The following SH3RF3 variants were observed in gnomAD, a reference collection of about 807,000 sequenced individuals.
SH3RF3 encodes the protein E3 ubiquitin-protein ligase SH3RF3.
In SH3RF3, 29 loss-of-function variants were observed where a neutral mutation model predicts 66.3. The ratio of observed to expected loss-of-function variants is 0.44; its 90% confidence interval spans 0.33 to 0.60. The LOEUF (loss-of-function observed/expected upper bound fraction) is 0.60. Ranked by LOEUF, SH3RF3 falls within the 20% of genes least tolerant of loss-of-function variation. The pLI is 0.04. For missense variants in SH3RF3, 1,194 were observed against 1,190.9 expected, an observed-to-expected ratio of 1.00 and a Z score of -0.04; for synonymous variants, 583 against 532.0, an observed-to-expected ratio of 1.10 and a Z score of -1.32.
chr2:109,306,415 C>T (rs1000505339), intron 1 of SH3RF3, among the ~76,000 whole-genome samples: 1 of 152,220 alleles, frequency 6.6e-6, no homozygotes, highest in South Asian at 2.1e-4. Context: ...CCGGGGCTTC[C>T]GATTCCATCC....
At position 109,210,372 on chromosome 2, in the gene SH3RF3, G is replaced by GTTT. The variant is rs535900027; in HGVS notation, c.573+80259_573+80260insTTT. On this transcript the variant is annotated intron_variant, in intron 1 of 9. Transcript: ENST00000309415. ...GTCACTGATCTGTGAAGTCCAAAGC[G>GTTT]GGAAAGCCTGGTCTTTTCCGTGCTC... 2.8e-4 allele frequency among the ~76,000 whole-genome samples: 42 copies of GTTT among 152,292 alleles called. No individual in the cohort carries two copies. The South Asian group carries it at 8.7e-3, about 32-fold the overall frequency.
At chr2:109,461,910 C>G (rs1406406186) in intron 8 of SH3RF3, among the ~76,000 whole-genome samples, 3 of 152,086 alleles carry the variant, frequency 2.0e-5, no homozygotes, top group Non-Finnish European at 1.5e-5. Context: ...GATGTTGTCT[C>G]TAAAAATTCA....
At chr2:109,264,125 A>G (rs1680425173) in intron 1 of SH3RF3, among the ~76,000 whole-genome samples, 3 of 152,100 alleles carry the variant, frequency 2.0e-5, no homozygotes, top group African/African-American at 7.2e-5. Context: ...CCACCTCCCC[A>G]GGATCCACCT....
intron 3 of SH3RF3, among the ~76,000 whole-genome samples, chr2:109,390,160 T>C (rs1387641081): frequency 6.6e-6 from 1 of 152,198 alleles, no homozygotes; most frequent in African/African-American, 2.4e-5. Flanking sequence ...CTCTTCACTG[T>C]CCCAACAGAG....
At chr2:109,214,944 G>A (rs2105123224) in intron 1 of SH3RF3, among the ~76,000 whole-genome samples, 1 of 152,324 alleles carries the variant, frequency 6.6e-6, no homozygotes, top group East Asian at 1.9e-4. Flanking sequence ...CAGCTGTAGT[G>A]AGCTGAGGAG....
chr2:109,169,086 AG>A, intron 1 of SH3RF3, among the ~76,000 whole-genome samples: 1 of 152,290 alleles, frequency 6.6e-6, no homozygotes, highest in East Asian at 1.9e-4. Flanking sequence ...CAGCCTTTGG[AG>A]GAGCCAGAAT....
chr2:109,202,805 G>A (rs1231589231), intron 1 of SH3RF3, among the ~76,000 whole-genome samples: 1 of 152,218 alleles, frequency 6.6e-6, no homozygotes, highest in African/African-American at 2.4e-5. Flanking sequence ...AGCAAAGGGG[G>A]TCGAGAGCCC....
chr2:109,322,840 G>T (rs1682058583), intron 1 of SH3RF3, among the ~76,000 whole-genome samples: 1 of 152,198 alleles, frequency 6.6e-6, no homozygotes, highest in Non-Finnish European at 1.5e-5. Context: ...CAGGATATGG[G>T]CAGACAGCTT....
At chr2:109,209,211 G>A (rs144937481) in intron 1 of SH3RF3, among the ~76,000 whole-genome samples, 2 of 152,332 alleles carry the variant, frequency 1.3e-5, no homozygotes, top group Non-Finnish European at 2.9e-5. Context: ...CTCATATGCC[G>A]TGGCATCAAC....
intron 1 of SH3RF3, among the ~76,000 whole-genome samples, chr2:109,159,914 A>G (rs1187184425): frequency 6.6e-6 from 1 of 152,202 alleles, no homozygotes; most frequent in African/African-American, 2.4e-5. Context: ...CTGATTCTAC[A>G]TTATGGTGAG....
chr2:109,416,732 T>TACA (rs960965215), intron 4 of SH3RF3, among the ~76,000 whole-genome samples: 5 of 151,488 alleles, frequency 3.3e-5, no homozygotes, highest in African/African-American at 1.2e-4. Flanking sequence ...TCTGTCTCAA[T>TACA]ACAACAACAA....
chr2:109,176,740 A>G (rs776268987), intron 1 of SH3RF3, among the ~76,000 whole-genome samples: 1 of 152,164 alleles, frequency 6.6e-6, no homozygotes, highest in Non-Finnish European at 1.5e-5. Context: ...CTGTCTCTAA[A>G]AAAGAAGGCA....
At chr2:109,183,967 G>T (rs533768889) in intron 1 of SH3RF3, among the ~76,000 whole-genome samples, 1 of 152,344 alleles carries the variant, frequency 6.6e-6, no homozygotes, top group Non-Finnish European at 1.5e-5. Flanking sequence ...CAGAGCCTCA[G>T]TTATTCTCTT....
At chr2:109,196,207 G>T (rs1318373809) in intron 1 of SH3RF3, among the ~76,000 whole-genome samples, 1 of 152,198 alleles carries the variant, frequency 6.6e-6, no homozygotes, top group Non-Finnish European at 1.5e-5. Flanking sequence ...CCACCCTTGA[G>T]GCCATGTCGG....
intron 5 of SH3RF3, among the ~76,000 whole-genome samples, chr2:109,430,449 C>T (rs1404624156): frequency 6.6e-6 from 1 of 152,066 alleles, no homozygotes; most frequent in African/African-American, 2.4e-5. Flanking sequence ...AAGCCACCCT[C>T]CTCTCCTCTC....
intron 8 of SH3RF3, among the ~76,000 whole-genome samples, chr2:109,489,516 G>GAT (rs1230939642): frequency 2.6e-5 from 4 of 152,176 alleles, no homozygotes; most frequent in Non-Finnish European, 5.9e-5. Flanking sequence ...GGAGAAAGCA[G>GAT]ATGACATTGA....
At chr2:109,318,934 T>G (rs916663728) in intron 1 of SH3RF3, among the ~76,000 whole-genome samples, 9 of 152,244 alleles carry the variant, frequency 5.9e-5, no homozygotes, top group Non-Finnish European at 1.3e-4. Context: ...GTAATGAAAC[T>G]GTACTTCATA....
In SH3RF3 at chr2:109,231,283, G is replaced by A. The variant is rs998615179; in HGVS notation, c.573+101170G>A. Among the ~76,000 whole-genome samples the A allele has an allele frequency of 8.5e-5, 13 of 152,236 alleles. No homozygotes were observed. In the East Asian group the frequency reaches 2.5e-3, roughly 29 times the overall value. ...CTTCTACAGCTGAGAGGAATTGGTG[G>A]GTGGATGTGGGAGAGGTGAGCTAAT... On this transcript the variant is annotated intron_variant, in intron 1 of 9. Transcript: ENST00000309415.
At chr2:109,264,886 T>C (rs770600013) in intron 1 of SH3RF3, among the ~76,000 whole-genome samples, 2 of 152,250 alleles carry the variant, frequency 1.3e-5, no homozygotes, top group Non-Finnish European at 2.9e-5. Context: ...ATCCTTATGT[T>C]TCCCAGACAT....
Sources: gnomAD v4.1 joint callset for allele counts (sites outside exome capture counted in the v4.1 genomes callset) on GRCh38, gnomAD v4.1.1 for gene constraint, MANE v1.5 for transcripts, NCBI Gene and HGNC (gene_info 2026-07-23, HGNC 2026-07-21) for gene names.